AMBRA1: variants seen among roughly 807,000 people sequenced by gnomAD.
AMBRA1 encodes the protein activating molecule in BECN1-regulated autophagy protein 1.
Under a neutral mutation model 125.4 loss-of-function variants are expected in AMBRA1, and 47 were observed. The ratio of observed to expected loss-of-function variants is 0.37; its 90% CI spans 0.30 to 0.48. The LOEUF (loss-of-function observed/expected upper bound fraction) is 0.48, where lower values mean the gene tolerates loss of function less well. Ranked by LOEUF, AMBRA1 falls within the 20% of genes least tolerant of loss-of-function variation. The pLI, the probability that AMBRA1 is intolerant of heterozygous loss-of-function variation, is 0.99. For missense variants in AMBRA1, 1,331 were observed against 1,693.4 expected, an observed-to-expected ratio of 0.79 and a Z score of 3.76; for synonymous variants, 626 against 655.5, an observed-to-expected ratio of 0.95 and a Z score of 0.69.
At position 46,490,468 on chromosome 11, in the gene AMBRA1, G is replaced by A. The variant is rs1399244247; in HGVS notation, c.2521+3140C>T. Among the ~76,000 whole-genome samples, 3 of 152,092 alleles carry A rather than the reference G, an allele frequency of 2.0e-5. No homozygotes were observed. In the East Asian group the frequency reaches 5.8e-4, roughly 29 times the overall value. On this transcript the variant is annotated intron_variant, in intron 11 of 17. Transcript: ENST00000683756. ...CTTCACCTTATAACACTTTTCTATAGTAGCTTCTGTTTTCTATTATTGCTT... is the reference window on the plus strand; with the variant it reads ...CTTCACCTTATAACACTTTTCTATAATAGCTTCTGTTTTCTATTATTGCTT...
At chr11:46,588,574 G>A (rs549575105) in intron 1 of AMBRA1, among the ~76,000 whole-genome samples, 16 of 150,486 alleles carry the variant, frequency 1.1e-4, no homozygotes, top group South Asian at 8.5e-4. Context: ...TCAGGAGTTC[G>A]AGACCAGCCT....
intron 15 of AMBRA1, among the ~76,000 whole-genome samples, chr11:46,416,967 G>A (rs1006889900): frequency 6.6e-6 from 1 of 152,172 alleles, no homozygotes; most frequent in African/African-American, 2.4e-5. Context: ...GGAAGGGGAA[G>A]GGGTGTCATC....
intron 11 of AMBRA1, among the ~76,000 whole-genome samples, chr11:46,450,308 G>A (rs577157272): frequency 2.0e-5 from 3 of 152,216 alleles, no homozygotes; most frequent in African/African-American, 4.8e-5. Context: ...AGAAGTCAAA[G>A]GCTACATACT....
intron 9 of AMBRA1, chr11:46,494,892 A>G (rs1395468912): frequency 6.6e-6 from 1 of 152,236 alleles, no homozygotes; most frequent in African/African-American, 2.4e-5. Flanking sequence ...TTTATTAAGT[A>G]TCTGCTAGGT....
At chr11:46,512,637 A>C in intron 8 of AMBRA1, 90 bp downstream of exon 8, 1 of 959,196 alleles carries the variant, frequency 1.0e-6, no homozygotes, top group Non-Finnish European at 1.6e-6. Flanking sequence ...CACCAGGACC[A>C]GAGAGGCACA....
chr11:46,408,431 G>A (rs543858659), intron 17 of AMBRA1, 82 bp downstream of exon 17: 1 of 1,343,300 alleles, frequency 7.4e-7, no homozygotes, highest in Non-Finnish European at 9.7e-7. Flanking sequence ...CATGGGAGGG[G>A]GTATGCATCC....
chr11:46,404,036 C>A (rs948682559), intron 17 of AMBRA1, among the ~76,000 whole-genome samples: 2 of 152,080 alleles, frequency 1.3e-5, no homozygotes, highest in African/African-American at 4.8e-5. Flanking sequence ...CCTGTCTCTA[C>A]AACAAACAAA....
At chr11:46,566,925 G>C (rs774219843) in intron 1 of AMBRA1, among the ~76,000 whole-genome samples, 1 of 152,114 alleles carries the variant, frequency 6.6e-6, no homozygotes, top group Non-Finnish European at 1.5e-5. Context: ...CTGCTAAAAT[G>C]TAAGAATATG....
At chr11:46,549,628 A>G (rs2042927976) in intron 1 of AMBRA1, among the ~76,000 whole-genome samples, 1 of 152,128 alleles carries the variant, frequency 6.6e-6, no homozygotes, top group Non-Finnish European at 1.5e-5. Flanking sequence ...TAATACTTCA[A>G]TTATCATTCG....
At chr11:46,433,738 A>C in intron 13 of AMBRA1, 110 bp from the exon 14 acceptor site, 11 of 1,169,736 alleles carry the variant, frequency 9.4e-6, no homozygotes, top group Non-Finnish European at 1.2e-5. Flanking sequence ...TCACTTGCTC[A>C]TCCTGGTGTT....
chr11:46,462,406 T>C (rs1949137116), intron 11 of AMBRA1, among the ~76,000 whole-genome samples: 1 of 152,188 alleles, frequency 6.6e-6, no homozygotes, highest in South Asian at 2.1e-4. Flanking sequence ...TTTACTCTCC[T>C]CACGTCTGTC....
chr11:46,480,759 A>G (rs777227173), intron 11 of AMBRA1, among the ~76,000 whole-genome samples: 2 of 152,346 alleles, frequency 1.3e-5, no homozygotes, highest in Non-Finnish European at 1.5e-5. Flanking sequence ...AAAAAAATAT[A>G]TACATACTGC....
chr11:46,406,109 A>C (rs1327697134), intron 17 of AMBRA1, among the ~76,000 whole-genome samples: 5 of 151,616 alleles, frequency 3.3e-5, no homozygotes, highest in Non-Finnish European at 7.4e-5. Flanking sequence ...GCTGGAGTGC[A>C]GTGGTGTGAT....
intron 5 of AMBRA1, 78 bp from the exon 6 acceptor site, chr11:46,544,119 T>G (rs530360661): frequency 8.5e-7 from 1 of 1,178,646 alleles, no homozygotes; most frequent in South Asian, 1.3e-5. Flanking sequence ...TGTGTTTGAA[T>G]TTATAGCAAT....
At chr11:46,447,765 T>C (rs1047850420) in intron 11 of AMBRA1, among the ~76,000 whole-genome samples, 10 of 87,790 alleles carry the variant, frequency 1.1e-4, no homozygotes, top group African/African-American at 1.7e-4. Flanking sequence ...GATAGATAGA[T>C]AGATAGATAG....
chr11:46,518,605 T>C (rs2135082109), intron 7 of AMBRA1, among the ~76,000 whole-genome samples: 1 of 152,276 alleles, frequency 6.6e-6, no homozygotes, highest in African/African-American at 2.4e-5. Flanking sequence ...TGAGGAATCC[T>C]GATAGAGACA....
At chr11:46,421,925 T>C (rs1350971237) in intron 14 of AMBRA1, among the ~76,000 whole-genome samples, 1 of 152,182 alleles carries the variant, frequency 6.6e-6, no homozygotes, top group Non-Finnish European at 1.5e-5. Context: ...AAGAGATGGC[T>C]CTGGTCTTCA....
intron 1 of AMBRA1, among the ~76,000 whole-genome samples, chr11:46,557,722 A>G (rs1040171407): frequency 2.0e-5 from 3 of 152,020 alleles, no homozygotes; most frequent in African/African-American, 7.2e-5. Flanking sequence ...GTGGGAGGAT[A>G]GCCTGAGCCC....
intron 1 of AMBRA1, among the ~76,000 whole-genome samples, chr11:46,584,496 A>T (rs1438658474): frequency 6.6e-6 from 1 of 152,026 alleles, no homozygotes; most frequent in Non-Finnish European, 1.5e-5. Context: ...CACATTGTGC[A>T]CATGTACCCT....
Sources: gnomAD v4.1 joint callset for allele counts (sites outside exome capture counted in the v4.1 genomes callset) on GRCh38, gnomAD v4.1.1 for gene constraint, MANE v1.5 for transcripts, NCBI Gene and HGNC (gene_info 2026-07-23, HGNC 2026-07-21) for gene names.